Variants in SATB1 observed in about 807,000 individuals in gnomAD.
SATB1 encodes the protein DNA-binding protein SATB1.
A neutral mutation model predicts 86.9 loss-of-function variants in SATB1; 11 were observed. The observed-to-expected ratio is 0.13, with a 90% CI of 0.08 to 0.21. The LOEUF is 0.21. Among genes scored for constraint, SATB1 ranks in the 10% least tolerant of loss-of-function variants. SATB1 has a pLI of 1.00. For synonymous variants in SATB1, 357 were observed against 357.2 expected (o/e 1.00, Z 0.01); for missense variants, 551 against 937.6 (o/e 0.59, Z 5.39).
intron 5 of SATB1, among the ~76,000 whole-genome samples, chr3:18,406,951 G>C (rs1697569934): frequency 6.6e-6 from 1 of 152,014 alleles, no homozygotes; most frequent in Non-Finnish European, 1.5e-5. Flanking sequence ...TTCCTACTGT[G>C]TGTCAGGATC....
chr3:18,437,241 G>T (rs1699095813), intron 1 of SATB1, among the ~76,000 whole-genome samples: 1 of 151,806 alleles, frequency 6.6e-6, no homozygotes, highest in East Asian at 1.9e-4. Context: ...GAAAACATGG[G>T]TATCTCAAAA....
intron 5 of SATB1, among the ~76,000 whole-genome samples, chr3:18,404,841 A>G (rs1287430409): frequency 7.0e-6 from 1 of 143,788 alleles, no homozygotes; most frequent in Non-Finnish European, 1.6e-5. Context: ...AAACTATAAA[A>G]TATTTTTAAA....
At chr3:18,445,203 C>T in intron 1 of SATB1, 1 of 981,208 alleles carries the variant, frequency 1.0e-6, no homozygotes, top group Non-Finnish European at 1.2e-6. Context: ...CCCCAGCGCC[C>T]GCCCGGCTTC....
intron 9 of SATB1, among the ~76,000 whole-genome samples, chr3:18,357,711 A>C (rs1409006482): frequency 6.6e-6 from 1 of 151,854 alleles, no homozygotes; most frequent in Non-Finnish European, 1.5e-5. Flanking sequence ...GTGATTAATA[A>C]TGTTTTAAAC....
At chr3:18,441,634 C>T (rs1183653374), upstream of SATB1, among the ~76,000 whole-genome samples, 1 of 152,142 alleles carries the variant, frequency 6.6e-6, no homozygotes, top group South Asian at 2.1e-4. Context: ...TGAAAACCCA[C>T]TAGAGTGCTT....
intron 7 of SATB1, among the ~76,000 whole-genome samples, chr3:18,388,498 CATA>C (rs1422488570): frequency 6.6e-6 from 1 of 152,092 alleles, no homozygotes; most frequent in African/African-American, 2.4e-5. Flanking sequence ...ATTCCTTGAG[CATA>C]ATAATCTAAT....
rs537952964 is a variant in SATB1, at chr3:18,373,966, C to CTAGTTGCT, written c.1575+4196_1575+4203dup. On this transcript the variant is annotated intron_variant, in intron 9 of 10. Transcript: ENST00000338745. ...GTTAGTCAAACAGAATTTTCACCAG[C>CTAGTTGCT]TAGTTGCTTTATCCAAAATAAATAC... 3.8e-3 allele frequency among the ~76,000 whole-genome samples: 573 copies of CTAGTTGCT among 152,258 alleles called. 1 individual carries two copies. Among genetic ancestry groups the CTAGTTGCT allele is most frequent in the Middle Eastern group, 0.01 (3 of 294 alleles).
At chr3:18,414,356 A>G (rs933916945) in intron 5 of SATB1, among the ~76,000 whole-genome samples, 3 of 151,928 alleles carry the variant, frequency 2.0e-5, no homozygotes, top group African/African-American at 7.3e-5. Context: ...ATGATGTTTG[A>G]TTTTCTGTCT....
chr3:18,428,589 G>A (rs1445762619), upstream of SATB1, among the ~76,000 whole-genome samples: 1 of 152,180 alleles, frequency 6.6e-6, no homozygotes, highest in African/African-American at 2.4e-5. Context: ...AATGATGCAT[G>A]CAAGTATTGA....
rs528753452 is a variant in SATB1, at chr3:18,348,962, C to T, written c.*208G>A. Reference sequence around the variant, plus strand: ...ATACCAAACAATCCTTGATGCTTCACCTGGGGCTGCCAAGCAGTTTGTAAA... The same window carrying T: ...ATACCAAACAATCCTTGATGCTTCATCTGGGGCTGCCAAGCAGTTTGTAAA... On this transcript the variant is annotated 3_prime_UTR_variant, in exon 11 of 11. Coordinates refer to ENST00000338745, the MANE Select transcript of SATB1 (RefSeq NM_002971.6). The T allele has an allele frequency of 1.5e-4, 114 of 767,434 alleles. No individual in the cohort carries two copies. The highest frequency in any genetic ancestry group is 1.1e-3 in the Admixed American group (35 of 31,952). 47.5% of individuals were successfully genotyped at this position (767,434 alleles called of 1,614,324 possible).
intron 2 of SATB1, chr3:18,435,102 A>G (rs1699016556): frequency 6.6e-6 from 1 of 152,186 alleles, no homozygotes; most frequent in Non-Finnish European, 1.5e-5. Flanking sequence ...GGTTAGTAAT[A>G]ATACAGCTGA....
rs986267899 is a variant in SATB1 at position 18,346,652 on chromosome 3, T to A, written c.*2518A>T. Reference sequence around the variant, plus strand: ...ATCAAATTATCAAAACCACGCTGACTTTTAAAAGTTAAAAAATCTAAGTGG... The same window carrying A: ...ATCAAATTATCAAAACCACGCTGACATTTAAAAGTTAAAAAATCTAAGTGG... On this transcript the variant is annotated 3_prime_UTR_variant, in exon 11 of 11. Transcript: ENST00000338745. 6.6e-6 allele frequency: 1 copy of A among 152,034 alleles called. No homozygotes were observed. The highest frequency in any genetic ancestry group is 6.6e-5 in the Admixed American group (1 of 15,260). The allele number at this position is 152,034 out of a possible 1,614,324, so 9.4% of individuals were successfully genotyped here.
At chr3:18,353,268 C>T (rs897168501) in intron 9 of SATB1, among the ~76,000 whole-genome samples, 4 of 152,188 alleles carry the variant, frequency 2.6e-5, no homozygotes, top group Non-Finnish European at 5.9e-5. Flanking sequence ...TGAAAATGGA[C>T]AACTTACTCT....
intron 5 of SATB1, among the ~76,000 whole-genome samples, chr3:18,401,643 C>A (rs758516661): frequency 6.6e-6 from 1 of 152,220 alleles, no homozygotes; most frequent in East Asian, 1.9e-4. Context: ...AAATGCTACA[C>A]GGTACACCAA....
rs772858302 is a variant in SATB1, at chr3:18,346,231, G to C, written c.*2939C>G. The C allele has an allele frequency of 1.3e-5, 2 of 152,070 alleles. No individual in the cohort carries two copies. The highest frequency in any genetic ancestry group is 2.4e-5 in the African/African-American group (1 of 41,422). 9.4% of individuals were successfully genotyped at this position (152,070 alleles called of 1,614,324 possible). A position where few individuals can be genotyped will look rare whatever the true frequency, so the allele number is the denominator to read the frequency against. ...TGTGCAAGTATTATATGGCCACAGA[G>C]TGTAATACAAATTAGTGGCAAAGTG... On this transcript the variant is annotated 3_prime_UTR_variant, in exon 11 of 11. Coordinates refer to ENST00000338745, the MANE Select transcript of SATB1 (RefSeq NM_002971.6).
intron 10 of SATB1, chr3:18,351,417 A>C: frequency 6.5e-7 from 1 of 1,538,088 alleles, no homozygotes; most frequent in East Asian, 2.4e-5. Flanking sequence ...CTCTAAAGGA[A>C]AGACAAACAG....
At chr3:18,430,110 G>A (rs905767562), upstream of SATB1, among the ~76,000 whole-genome samples, 1 of 152,110 alleles carries the variant, frequency 6.6e-6, no homozygotes, top group Admixed American at 6.5e-5. Flanking sequence ...GTGCTCAATA[G>A]CCCCATGTGA....
Position 18,386,351 on chromosome 3 carries a change from T to TA in SATB1, c.1419+47dup, listed in dbSNP as rs759828425. On this transcript the variant is annotated intron_variant, in intron 8 of 10. Transcript: ENST00000338745. This position sits in a 1 kb window ranked among gnomAD's most constrained non-coding sequence, Gnocchi z 4.5. Reference sequence around the variant, plus strand: ...CTTATTGAGATTCTTCCTCAAGCATTAAAAAAAAGCTAAACAAAGAAGGGC... The same window carrying TA: ...CTTATTGAGATTCTTCCTCAAGCATTAAAAAAAAAGCTAAACAAAGAAGGGC... 2.8e-4 allele frequency: 391 copies of TA among 1,411,476 alleles called. No individual in the cohort carries two copies. The highest frequency in any genetic ancestry group is 3.2e-4 in the Non-Finnish European group (328 of 1,013,030). 87.4% of individuals were successfully genotyped at this position (1,411,476 alleles called of 1,614,324 possible).
chr3:18,409,021 A>C (rs1177777787), intron 5 of SATB1: 2 of 152,020 alleles, frequency 1.3e-5, no homozygotes, highest in Non-Finnish European at 1.5e-5. Context: ...ATGATATGGT[A>C]ATTTTCCCTG....
Sources: allele counts gnomAD v4.1 joint callset (sites outside exome capture counted in the v4.1 genomes callset), GRCh38; gene constraint gnomAD v4.1.1; non-coding constraint Gnocchi (gnomAD v3.1); transcripts MANE v1.5; gene names NCBI Gene and HGNC (gene_info 2026-07-23, HGNC 2026-07-21).